The following ZNF583 variants were observed in gnomAD, a reference collection of about 807,000 sequenced individuals.
The protein encoded by ZNF583 is zinc finger protein L3-5.
Under a neutral mutation model 55.3 loss-of-function variants are expected in ZNF583, and 30 were observed. The ratio of observed to expected loss-of-function variants is 0.54; its 90% CI spans 0.41 to 0.74. ZNF583 has a LOEUF of 0.74. ZNF583 is among the 30% of genes least tolerant of loss of function. The pLI is 0.00. For missense variants in ZNF583, 504 were observed against 664.7 expected (o/e 0.76, Z 2.66); for synonymous variants, 208 against 220.0 (o/e 0.95, Z 0.48).
chr19:56,424,679 T>G lies in ZNF583; in HGVS notation c.*311T>G. 1 of 241,852 alleles carries G rather than the reference T, an allele frequency of 4.1e-6. No homozygotes were observed. Among genetic ancestry groups the G allele is most frequent in the Non-Finnish European group, 8.1e-6 (1 of 123,602 alleles). 15.0% of individuals were successfully genotyped at this position (241,852 alleles called of 1,614,324 possible). A position where few individuals can be genotyped will look rare whatever the true frequency, so the allele number is the denominator to read the frequency against. On this transcript the variant is annotated 3_prime_UTR_variant, in exon 5 of 5. Coordinates refer to ENST00000333201, the MANE Select transcript of ZNF583 (RefSeq NM_152478.3). ...AGGTTACCTTCCAAAGTTTCTATCT[T>G]GTGTCACTATCCATCTCATTCTCTG... is the stretch of plus-strand genomic sequence containing the variant.
chr19:56,414,703 T>C, intron 4 of ZNF583: 1 of 352,712 alleles, frequency 2.8e-6, no homozygotes, highest in South Asian at 4.0e-5. Flanking sequence ...TCACAGCATC[T>C]CCCTGTCCTT....
At chr19:56,422,254 G>C (rs2042427035) in intron 4 of ZNF583, among the ~76,000 whole-genome samples, 1 of 152,160 alleles carries the variant, frequency 6.6e-6, no homozygotes, top group African/African-American at 2.4e-5. Flanking sequence ...GGGGAAGGCA[G>C]ACTAAGTTCT....
intron 2 of ZNF583, among the ~76,000 whole-genome samples, chr19:56,410,825 A>G (rs907884207): frequency 2.0e-5 from 3 of 152,222 alleles, no homozygotes; most frequent in Non-Finnish European, 2.9e-5. Context: ...TAAAAGTGAC[A>G]TTATCAGTAA....
intron 4 of ZNF583, among the ~76,000 whole-genome samples, chr19:56,419,865 C>CT (rs2042387166): frequency 6.6e-6 from 1 of 152,084 alleles, no homozygotes; most frequent in African/African-American, 2.4e-5. Context: ...GATATCTGTT[C>CT]TTTTTTTCTT....
At chr19:56,418,764 A>C (rs2042367926) in intron 4 of ZNF583, among the ~76,000 whole-genome samples, 1 of 152,084 alleles carries the variant, frequency 6.6e-6, no homozygotes, top group Non-Finnish European at 1.5e-5. Context: ...ATATATTGCA[A>C]TGGCTAGGAC....
At chr19:56,421,294 G>GTATTCATCAATGACTTTACCTA in intron 4 of ZNF583, 1 of 161,364 alleles carries the variant, frequency 6.2e-6, no homozygotes, top group Non-Finnish European at 1.3e-5. Context: ...ATGAGAATTA[G>GTATTCATCAATGACTTTACCTA]TGTTTTTACT....
rs551290610 is a variant in ZNF583 at position 56,424,887 on chromosome 19, A to G, written c.*519A>G. ...CAGAAGTTAATAGAAGAATGAAATA[A>G]TGCATGTAAATTGCTCAGCAGCGTG... On this transcript the variant is annotated 3_prime_UTR_variant, in exon 5 of 5. Coordinates refer to ENST00000333201, the MANE Select transcript of ZNF583 (RefSeq NM_152478.3). The G allele has an allele frequency of 2.6e-5, 4 of 154,454 alleles. No individual in the cohort carries two copies. The highest frequency in any genetic ancestry group is 9.6e-5 in the African/African-American group (4 of 41,582). The allele number at this position is 154,454 out of a possible 1,614,324, so 9.6% of individuals were successfully genotyped here. A position where few individuals can be genotyped will look rare whatever the true frequency, so the allele number is the denominator to read the frequency against.
At chr19:56,422,422 A>G (rs2042430008) in intron 4 of ZNF583, among the ~76,000 whole-genome samples, 1 of 152,206 alleles carries the variant, frequency 6.6e-6, no homozygotes, top group African/African-American at 2.4e-5. Context: ...ATGTTTACCC[A>G]TAGAGTTTTA....
At chr19:56,407,804 G>A (rs2042178100) in intron 2 of ZNF583, among the ~76,000 whole-genome samples, 1 of 152,128 alleles carries the variant, frequency 6.6e-6, no homozygotes, top group African/African-American at 2.4e-5. Context: ...AAGACTAATG[G>A]GAGAGCACTT....
intron 4 of ZNF583, among the ~76,000 whole-genome samples, chr19:56,418,689 G>C (rs2042366532): frequency 6.6e-6 from 1 of 151,832 alleles, no homozygotes; most frequent in Admixed American, 6.6e-5. Flanking sequence ...TTTTTGGATG[G>C]ACAATCATGC....
rs1414557219 is a variant in ZNF583 at position 56,425,545 on chromosome 19, T to A, written c.*1177T>A. 1 of 152,156 alleles carries A rather than the reference T, an allele frequency of 6.6e-6. No individual in the cohort carries two copies. Among genetic ancestry groups the A allele is most frequent in the East Asian group, 1.9e-4 (1 of 5,190 alleles). The allele number at this position is 152,156 out of a possible 1,614,324, so 9.4% of individuals were successfully genotyped here. ...TTTTTAATAAGACAGTTTACTGAGATGTATTCATCATTTACATGTAAACAA... is the reference window on the plus strand; with the variant it reads ...TTTTTAATAAGACAGTTTACTGAGAAGTATTCATCATTTACATGTAAACAA... On this transcript the variant is annotated 3_prime_UTR_variant, in exon 5 of 5. Transcript: ENST00000333201.
chr19:56,407,794 AAGACTAATGGG>A (rs1783583455), intron 2 of ZNF583, among the ~76,000 whole-genome samples: 1 of 152,226 alleles, frequency 6.6e-6, no homozygotes, highest in Non-Finnish European at 1.5e-5. Context: ...TGTTTTGGAA[AAGACTAATGGG>A]AGAGCACTTG....
rs2042281708 is a variant in ZNF583 at position 56,414,193 on chromosome 19, C to G, written c.136+108C>G. On this transcript the variant is annotated intron_variant, in intron 3 of 4. Coordinates refer to ENST00000333201, the MANE Select transcript of ZNF583 (RefSeq NM_152478.3). The stretch of plus-strand genomic sequence containing the variant: ...ACTAAATTTCCTTTTCTTGTGCTTC[C>G]CAAAATAGGTTGAATTTGTAGAATT... The G allele has an allele frequency of 2.6e-6, 4 of 1,525,208 alleles. No homozygotes were observed. The South Asian group carries it at 3.6e-5, about 14-fold the overall frequency. 94.5% of individuals were successfully genotyped at this position (1,525,208 alleles called of 1,614,324 possible).
At chr19:56,416,482 C>T (rs2042324989) in intron 4 of ZNF583, among the ~76,000 whole-genome samples, 1 of 150,496 alleles carries the variant, frequency 6.6e-6, no homozygotes. Flanking sequence ...CTTACTAATT[C>T]TTTCCTTCTA....
intron 2 of ZNF583, among the ~76,000 whole-genome samples, chr19:56,410,260 A>G (rs1049040091): frequency 2.6e-5 from 4 of 152,212 alleles, no homozygotes; most frequent in Non-Finnish European, 5.9e-5. Flanking sequence ...ATTTGACCGT[A>G]TCGTTGCTGG....
At chr19:56,407,649 C>T (rs971712622) in intron 2 of ZNF583, among the ~76,000 whole-genome samples, 7 of 152,068 alleles carry the variant, frequency 4.6e-5, no homozygotes, top group Non-Finnish European at 7.4e-5. Flanking sequence ...CCAGGCACTC[C>T]GTGGGCTTTG....
intron 4 of ZNF583, among the ~76,000 whole-genome samples, chr19:56,418,251 A>G (rs1450910131): frequency 1.3e-5 from 2 of 152,074 alleles, no homozygotes; most frequent in East Asian, 3.9e-4. Flanking sequence ...TAATATAAGT[A>G]TGGTTTATTA....
Position 56,424,428 on chromosome 19 carries a change from A to G in ZNF583, c.*60A>G, listed in dbSNP as rs921392335. The G allele has an allele frequency of 4.2e-6, 3 of 721,540 alleles. No individual in the cohort carries two copies. Among genetic ancestry groups the G allele is most frequent in the Non-Finnish European group, 7.1e-6 (3 of 423,166 alleles). 44.7% of individuals were successfully genotyped at this position (721,540 alleles called of 1,614,324 possible). On this transcript the variant is annotated 3_prime_UTR_variant, in exon 5 of 5. Transcript: ENST00000333201. ...ATCCCATCATCCTTGTCCAATGCAC[A>G]TTAATATATTTGACATGGGATACTC...
Position 56,424,758 on chromosome 19 carries a change from C to G in ZNF583, c.*390C>G, listed in dbSNP as rs2042478058. ...TCCAGGATCAAAAAGACCTGGGTTCCAATCTTTGCACTTCCATTTCCTGCC... is the reference window on the plus strand; with the variant it reads ...TCCAGGATCAAAAAGACCTGGGTTCGAATCTTTGCACTTCCATTTCCTGCC... On this transcript the variant is annotated 3_prime_UTR_variant, in exon 5 of 5. Transcript: ENST00000333201. 6.1e-6 allele frequency: 1 copy of G among 163,514 alleles called. No homozygotes were observed. Among genetic ancestry groups the G allele is most frequent in the African/African-American group, 2.4e-5 (1 of 41,660 alleles). The allele number at this position is 163,514 out of a possible 1,614,324, so 10.1% of individuals were successfully genotyped here. A position where few individuals can be genotyped will look rare whatever the true frequency, so the allele number is the denominator to read the frequency against.
Sources: gnomAD v4.1 joint callset for allele counts (sites outside exome capture counted in the v4.1 genomes callset) on GRCh38, gnomAD v4.1.1 for gene constraint, MANE v1.5 for transcripts, NCBI Gene and HGNC (gene_info 2026-07-23, HGNC 2026-07-21) for gene names.